Variants in FAM163A observed in about 807,000 individuals in gnomAD.
The protein encoded by FAM163A is family with sequence similarity 163 member A, also known as protein FAM163A.
FAM163A carries 7 observed loss-of-function variants against 12.0 expected under a neutral mutation model. The observed-to-expected ratio is 0.58, with a 90% CI of 0.33 to 1.10. The LOEUF is 1.10. FAM163A is among the 50% of genes least tolerant of loss of function. The pLI is 0.03. For synonymous variants in FAM163A, 101 were observed against 91.0 expected (o/e 1.11, Z -0.62); for missense variants, 202 against 218.6 (o/e 0.92, Z 0.48).
At chr1:179,777,598 C>T (rs1231269002) in intron 1 of FAM163A, among the ~76,000 whole-genome samples, 1 of 152,210 alleles carries the variant, frequency 6.6e-6, no homozygotes, top group Admixed American at 6.5e-5. Flanking sequence ...GGTTTGAACA[C>T]TGCTGCTTCC....
upstream of FAM163A, chr1:179,742,729 C>T (rs773053139): frequency 5.3e-5 from 8 of 152,356 alleles, no homozygotes; most frequent in Non-Finnish European, 1.2e-4. Flanking sequence ...CTCCTCGTGT[C>T]GAGGCATTGC....
intron 2 of FAM163A, among the ~76,000 whole-genome samples, chr1:179,809,318 C>T (rs1484447121): frequency 6.6e-6 from 1 of 152,186 alleles, no homozygotes; most frequent in East Asian, 1.9e-4. Flanking sequence ...CCCCTCTTTC[C>T]TCACAGTCAC....
chr1:179,773,813 C>G (rs1027828301), intron 1 of FAM163A, among the ~76,000 whole-genome samples: 1 of 152,152 alleles, frequency 6.6e-6, no homozygotes, highest in Non-Finnish European at 1.5e-5. Context: ...CCCATATGGC[C>G]CTGAAGAGAG....
intron 1 of FAM163A, among the ~76,000 whole-genome samples, chr1:179,757,829 C>T (rs915232224): frequency 3.4e-5 from 5 of 146,602 alleles, no homozygotes; most frequent in Non-Finnish European, 2.9e-5. Context: ...CAAAACAAAA[C>T]GAAAAACAGT....
intron 1 of FAM163A, among the ~76,000 whole-genome samples, chr1:179,748,399 G>GT (rs1553212337): frequency 6.6e-6 from 1 of 152,178 alleles, no homozygotes; most frequent in African/African-American, 2.4e-5. Flanking sequence ...AGCCCTATTA[G>GT]TTTTTAAAAA....
At position 179,813,979 on chromosome 1, in the gene FAM163A, C is replaced by G. The variant is rs1367422599; in HGVS notation, c.294C>G (p.Cys98Trp). ...CGVAASHCTT[C>W]SPYSSPFYIR... Reference sequence around the variant, plus strand: ...TGGCCGCGAGCCACTGCACTACCTGCTCCCCATACAGCTCCCCCTTTTACA... The same window carrying G: ...TGGCCGCGAGCCACTGCACTACCTGGTCCCCATACAGCTCCCCCTTTTACA... Residue 98 changes from cysteine (C) to tryptophan (W), a missense_variant, in exon 5 of 5, where the codon TGC (cysteine) becomes TGG (tryptophan). Cys to Trp is a radical substitution (Grantham distance 215). Transcript: ENST00000341785. 1 of 1,613,696 alleles carries G rather than the reference C, an allele frequency of 6.2e-7. No homozygotes were observed. The highest frequency in any genetic ancestry group is 1.3e-5 in the African/African-American group (1 of 74,938).
At chr1:179,744,327 G>T (rs984907042) in intron 1 of FAM163A, among the ~76,000 whole-genome samples, 1 of 152,054 alleles carries the variant, frequency 6.6e-6, no homozygotes, top group Non-Finnish European at 1.5e-5. Flanking sequence ...CCCAGAGGGG[G>T]GCCTGGCCAA....
At chr1:179,732,880 CAAAAAAAA>C in the FAM163A span, among the ~76,000 whole-genome samples, 4 of 39,148 alleles carry the variant, frequency 1.0e-4, no homozygotes, top group South Asian at 1.4e-3. Flanking sequence ...GACTCTGCCT[CAAAAAAAA>C]AAAAAAAAAA....
chr1:179,775,875 G>A (rs56166650), intron 1 of FAM163A, among the ~76,000 whole-genome samples: 26,952 of 152,084 alleles, frequency 0.18, 2,885 homozygotes, highest in African/African-American at 0.31. Context: ...AAGTAACTCT[G>A]TTGAGGTGAG....
At chr1:179,796,444 CA>C (rs1388814447) in intron 1 of FAM163A, among the ~76,000 whole-genome samples, 1 of 152,112 alleles carries the variant, frequency 6.6e-6, no homozygotes, top group Non-Finnish European at 1.5e-5. Flanking sequence ...GGGAAAATTC[CA>C]AATGGAGGAA....
intron 1 of FAM163A, among the ~76,000 whole-genome samples, chr1:179,789,735 A>C (rs1416065480): frequency 6.6e-6 from 1 of 152,200 alleles, no homozygotes; most frequent in Non-Finnish European, 1.5e-5. Context: ...ATCGAGTAAT[A>C]TTACCCAGGA....
intron 1 of FAM163A, among the ~76,000 whole-genome samples, chr1:179,767,500 G>A (rs1267783968): frequency 6.6e-6 from 1 of 152,122 alleles, no homozygotes; most frequent in Non-Finnish European, 1.5e-5. Context: ...CCCCCGCATG[G>A]CTGCTCTCAG....
Position 179,813,859 on chromosome 1 carries a change from A to G in FAM163A, c.174A>G (p.Arg58=), listed in dbSNP as rs960915962. 1 of 1,613,948 alleles carries G rather than the reference A, an allele frequency of 6.2e-7. No homozygotes were observed. The highest frequency in any genetic ancestry group is 1.1e-5 in the South Asian group (1 of 91,092). ...EREHDLPTHP[R]GPTCNACSSQ... is the part of the protein sequence containing the mutation. ...AGCACGACCTTCCCACGCATCCCAGAGGCCCCACCTGCAATGCCTGCAGCT... is the reference window on the plus strand; with the variant it reads ...AGCACGACCTTCCCACGCATCCCAGGGGCCCCACCTGCAATGCCTGCAGCT... The change falls in exon 5 of 5, where the codon AGA becomes AGG. Residue 58 remains arginine (R), a synonymous_variant. Transcript: ENST00000341785.
chr1:179,753,042 C>T (rs1685503541), intron 1 of FAM163A, among the ~76,000 whole-genome samples: 1 of 152,140 alleles, frequency 6.6e-6, no homozygotes, highest in Non-Finnish European at 1.5e-5. Flanking sequence ...TGGAAACAAC[C>T]ATATCCACTC....
intron 1 of FAM163A, among the ~76,000 whole-genome samples, chr1:179,758,629 G>A (rs1023410546): frequency 2.0e-5 from 3 of 152,224 alleles, no homozygotes; most frequent in African/African-American, 7.2e-5. Context: ...CCACTCCCTA[G>A]CTGCTTCATT....
upstream of FAM163A, among the ~76,000 whole-genome samples, chr1:179,741,784 C>T (rs768115180): frequency 3.4e-4 from 52 of 152,030 alleles, no homozygotes; most frequent in Non-Finnish European, 6.0e-4. Context: ...TATAAAGATA[C>T]GTAAGGAAGT....
intron 1 of FAM163A, among the ~76,000 whole-genome samples, chr1:179,769,581 A>G (rs1023248760): frequency 1.1e-4 from 17 of 152,258 alleles, no homozygotes; most frequent in African/African-American, 3.9e-4. Context: ...AAGCTCTGGA[A>G]AATAAAGTAA....
chr1:179,740,185 T>C (rs974590502), upstream of FAM163A, among the ~76,000 whole-genome samples: 1 of 152,052 alleles, frequency 6.6e-6, no homozygotes, highest in Non-Finnish European at 1.5e-5. Flanking sequence ...GTTGTTGTTG[T>C]TGTTGTTGTT....
chr1:179,808,143 C>T (rs974042257), intron 2 of FAM163A, among the ~76,000 whole-genome samples: 2 of 152,226 alleles, frequency 1.3e-5, no homozygotes, highest in African/African-American at 4.8e-5. Flanking sequence ...CCTCAGGAGG[C>T]AGCTGGTGTG....
Sources: allele counts gnomAD v4.1 joint callset (sites outside exome capture counted in the v4.1 genomes callset), GRCh38; gene constraint gnomAD v4.1.1; transcripts MANE v1.5; gene names NCBI Gene and HGNC (gene_info 2026-07-23, HGNC 2026-07-21).